PCNX4: variants seen among roughly 807,000 people sequenced by gnomAD.
The protein encoded by PCNX4 is pecanex 4, also known as pecanex-like protein 4.
In PCNX4, 103 loss-of-function variants were observed where a neutral mutation model predicts 107.2. The observed-to-expected ratio is 0.96, with a 90% confidence interval of 0.82 to 1.13. The LOEUF (loss-of-function observed/expected upper bound fraction) is 1.13. PCNX4 is among the 50% of genes most tolerant of loss of function. The pLI, the probability that PCNX4 is intolerant of heterozygous loss-of-function variation, is 0.00. For synonymous variants in PCNX4, 541 were observed against 481.7 expected (o/e 1.12, Z -1.61); for missense variants, 1,528 against 1,379.4 (o/e 1.11, Z -1.71).
At chr14:60,120,824 A>G (rs971823321) in intron 7 of PCNX4, among the ~76,000 whole-genome samples, 11 of 152,196 alleles carry the variant, frequency 7.2e-5, no homozygotes, top group African/African-American at 2.4e-4. Context: ...GTTTATATCC[A>G]TGTATAAAAA....
rs139614196 is a variant in PCNX4, at chr14:60,129,624, C to T, written c.3267+3801C>T. 1.2e-4 allele frequency among the ~76,000 whole-genome samples: 19 copies of T among 152,218 alleles called. No homozygotes were observed. In the East Asian group the frequency reaches 3.5e-3, roughly 28 times the overall value. On this transcript the variant is annotated intron_variant, in intron 10 of 10. Transcript: ENST00000406854. The stretch of plus-strand genomic sequence containing the variant: ...CTTTTCTCTCAGCTTCTCTTAAAGG[C>T]ATAAAATTATATAAAGTGATAATTA...
Position 60,139,730 on chromosome 14 carries a change from T to C in PCNX4, c.*5509T>C, listed in dbSNP as rs905288593. 4 of 152,094 alleles carry C rather than the reference T, an allele frequency of 2.6e-5. No individual in the cohort carries two copies. The highest frequency in any genetic ancestry group is 5.9e-5 in the Non-Finnish European group (4 of 67,948). 9.4% of individuals were successfully genotyped at this position (152,094 alleles called of 1,614,324 possible). A position where few individuals can be genotyped will look rare whatever the true frequency, so the allele number is the denominator to read the frequency against. On this transcript the variant is annotated 3_prime_UTR_variant, in exon 11 of 11. Transcript: ENST00000406854. ...AGGAATGGAATATATTCTTTGGCCA[T>C]GTATCATTCACTTAGAAATCAATAA...
At chr14:60,130,558 A>G (rs1398532289) in intron 10 of PCNX4, among the ~76,000 whole-genome samples, 1 of 152,142 alleles carries the variant, frequency 6.6e-6, no homozygotes, top group South Asian at 2.1e-4. Context: ...TAAACATTGT[A>G]CTAGAACTTC....
chr14:60,099,861 C>T (rs981727988), intron 1 of PCNX4, among the ~76,000 whole-genome samples: 14 of 151,940 alleles, frequency 9.2e-5, no homozygotes, highest in Admixed American at 2.6e-4. Flanking sequence ...GTTAGGAGTT[C>T]GAGACCAGCC....
intron 1 of PCNX4, among the ~76,000 whole-genome samples, chr14:60,104,723 C>G (rs552209906): frequency 1.3e-5 from 2 of 152,164 alleles, no homozygotes; most frequent in Non-Finnish European, 2.9e-5. Flanking sequence ...CATCAGGTCT[C>G]GTGAGACTTA....
In PCNX4 at chr14:60,115,434, A is replaced by G; in HGVS notation, c.1330A>G (p.Ile444Val). 6.5e-7 allele frequency: 1 copy of G among 1,536,170 alleles called. No individual in the cohort carries two copies. The highest frequency in any genetic ancestry group is 2.1e-5 in the Admixed American group (1 of 46,540). Residue 444 changes from isoleucine (I) to valine (V), a missense_variant, in exon 4 of 11, where the codon ATT becomes GTT. Ile to Val is a conservative substitution (Grantham distance 29). Transcript: ENST00000406854. ...GCAAACTAGGCTCATGAAGATTGGTATTGTCAGACGGATTTTGCTAACTTT... is the reference window on the plus strand; with the variant it reads ...GCAAACTAGGCTCATGAAGATTGGTGTTGTCAGACGGATTTTGCTAACTTT... ...EKQTRLMKIGIVRRILLTLVS... is the reference protein window; with the variant it reads ...EKQTRLMKIGVVRRILLTLVS...
intron 1 of PCNX4, among the ~76,000 whole-genome samples, chr14:60,093,980 A>G (rs1895367404): frequency 6.6e-6 from 1 of 152,134 alleles, no homozygotes; most frequent in Non-Finnish European, 1.5e-5. Flanking sequence ...TGTGCTTATT[A>G]ACCATTTGTA....
chr14:60,096,394 T>G (rs761277233), intron 1 of PCNX4, among the ~76,000 whole-genome samples: 1 of 152,218 alleles, frequency 6.6e-6, no homozygotes, highest in Admixed American at 6.5e-5. Flanking sequence ...ATATGCCATA[T>G]AACATCTTCA....
chr14:60,125,271 T>A lies in PCNX4; in HGVS notation c.3080+20T>A. On this transcript the variant is annotated intron_variant, in intron 9 of 10. Transcript: ENST00000406854. ...ATTCAGGTAATCCATTTTGATCATA[T>A]GTAAGTTATAACATTGTTGGAAAAA... 6.7e-7 allele frequency: 1 copy of A among 1,502,316 alleles called. No individual in the cohort carries two copies. The highest frequency in any genetic ancestry group is 8.9e-7 in the Non-Finnish European group (1 of 1,127,000). The allele number at this position is 1,502,316 out of a possible 1,614,324, so 93.1% of individuals were successfully genotyped here.
intron 10 of PCNX4, among the ~76,000 whole-genome samples, chr14:60,133,292 T>C (rs1896187270): frequency 6.6e-6 from 1 of 152,170 alleles, no homozygotes; most frequent in South Asian, 2.1e-4. Context: ...TGCTACAACA[T>C]AGATGAACCT....
intron 1 of PCNX4, among the ~76,000 whole-genome samples, chr14:60,099,242 A>G (rs991831108): frequency 2.0e-5 from 3 of 152,160 alleles, no homozygotes; most frequent in Non-Finnish European, 2.9e-5. Context: ...TTTCTTTTCC[A>G]GGTATAAAAT....
intron 1 of PCNX4, among the ~76,000 whole-genome samples, chr14:60,100,689 T>A (rs1430246848): frequency 6.6e-6 from 1 of 152,258 alleles, no homozygotes; most frequent in African/African-American, 2.4e-5. Flanking sequence ...AATTCCTGTC[T>A]AAGGGGCCTA....
chr14:60,134,153 C>T lies in PCNX4; in HGVS notation c.3451C>T (p.Gln1151Ter), dbSNP rs1161012879. 6.2e-7 allele frequency: 1 copy of T among 1,613,622 alleles called. No individual in the cohort carries two copies. The highest frequency in any genetic ancestry group is 1.3e-5 in the African/African-American group (1 of 74,912). The stretch of plus-strand genomic sequence containing the variant: ...ACTACTTTTAAGAAATCTTACGGTA[C>T]AAGCAGCAGAACCTCCCCTGGGATA... ...HPLLLRNLTVQAAEPPLGYPI... is the reference protein window; with the variant it reads ...HPLLLRNLTV Residue 1151 changes from glutamine (Q) to a stop codon, truncating the protein, a stop_gained, in exon 11 of 11, where the codon CAA (glutamine) becomes TAA (stop). Coordinates refer to ENST00000406854, the MANE Select transcript of PCNX4 (RefSeq NM_001330177.2). LOFTEE classifies it high-confidence loss of function.
chr14:60,094,030 A>AT (rs1454596868), intron 1 of PCNX4, among the ~76,000 whole-genome samples: 5 of 152,074 alleles, frequency 3.3e-5, no homozygotes, highest in Non-Finnish European at 5.9e-5. Flanking sequence ...TCCTTTGCTC[A>AT]TTTTTTAAAG....
At chr14:60,125,563 T>C in intron 9 of PCNX4, 74 bp from the exon 10 acceptor site, 1 of 1,128,868 alleles carries the variant, frequency 8.9e-7, no homozygotes, top group East Asian at 2.9e-5. Flanking sequence ...AAAATATTGG[T>C]TTAACAAAAT....
rs1896180253 is a variant in PCNX4, at chr14:60,132,850, C to CATTA, written c.3268-1120_3268-1119insATTA. ...GTTGCCAATAAGTACATGAGAAGTG[C>CATTA]TCCGTATAATTAGTCATCAGGGAAG... is the stretch of plus-strand genomic sequence containing the variant. On this transcript the variant is annotated intron_variant, in intron 10 of 10. Coordinates refer to ENST00000406854, the MANE Select transcript of PCNX4 (RefSeq NM_001330177.2). Among the ~76,000 whole-genome samples the CATTA allele has an allele frequency of 2.0e-5, 3 of 152,256 alleles. No homozygotes were observed. In the South Asian group the frequency reaches 6.2e-4, roughly 32 times the overall value.
chr14:60,126,452 C>G (rs1317144407), intron 10 of PCNX4, among the ~76,000 whole-genome samples: 1 of 152,054 alleles, frequency 6.6e-6, no homozygotes, highest in East Asian at 1.9e-4. Context: ...TTTAAGTAAC[C>G]ATTTAAAGTC....
In PCNX4 at chr14:60,139,411, A is replaced by G. The variant is rs1019054758; in HGVS notation, c.*5190A>G. 3.3e-5 allele frequency: 5 copies of G among 152,164 alleles called. No individual in the cohort carries two copies. The highest frequency in any genetic ancestry group is 2.6e-4 in the Admixed American group (4 of 15,278). The allele number at this position is 152,164 out of a possible 1,614,324, so 9.4% of individuals were successfully genotyped here. On this transcript the variant is annotated 3_prime_UTR_variant, in exon 11 of 11. Coordinates refer to ENST00000406854, the MANE Select transcript of PCNX4 (RefSeq NM_001330177.2). ...GTAATGATAAAAGATTTGATTCACCAGAAAGTTTCAACAGGTCTAATATTT... is the reference window on the plus strand; with the variant it reads ...GTAATGATAAAAGATTTGATTCACCGGAAAGTTTCAACAGGTCTAATATTT...
chr14:60,106,836 G>C (rs1895639423), intron 1 of PCNX4, among the ~76,000 whole-genome samples: 1 of 152,134 alleles, frequency 6.6e-6, no homozygotes, highest in Non-Finnish European at 1.5e-5. Flanking sequence ...GTAATACTTT[G>C]CTAGCTGGTT....
Sources: allele counts gnomAD v4.1 joint callset (sites outside exome capture counted in the v4.1 genomes callset), GRCh38; gene constraint gnomAD v4.1.1; transcripts MANE v1.5; gene names NCBI Gene and HGNC (gene_info 2026-07-23, HGNC 2026-07-21).